Variants in XPNPEP1 observed in about 807,000 individuals in gnomAD.
XPNPEP1 encodes the protein xaa-Pro aminopeptidase 1.
Under a neutral mutation model 92.4 loss-of-function variants are expected in XPNPEP1, and 39 were observed. That is an observed-to-expected ratio of 0.42 (90% CI 0.33 to 0.55). The LOEUF (loss-of-function observed/expected upper bound fraction) is 0.55, where lower values mean the gene tolerates loss of function less well. Among genes scored for constraint, XPNPEP1 ranks in the 20% least tolerant of loss-of-function variants. XPNPEP1 has a pLI of 0.08. For missense variants in XPNPEP1, 654 were observed against 856.1 expected (o/e 0.76, Z 2.95); for synonymous variants, 307 against 299.4 (o/e 1.03, Z -0.26).
intron 9 of XPNPEP1, 107 bp downstream of exon 9, chr10:109,883,960 A>G: frequency 1.1e-6 from 1 of 916,682 alleles, no homozygotes. Flanking sequence ...AAAAAGAAGC[A>G]CATCAGTGAA....
At chr10:109,915,177 C>A in intron 1 of XPNPEP1, 78 bp from the exon 2 acceptor site, 1 of 771,582 alleles carries the variant, frequency 1.3e-6, no homozygotes. Context: ...GGAGGCATCG[C>A]TTAACTTAGC....
intron 2 of XPNPEP1, among the ~76,000 whole-genome samples, chr10:109,911,946 G>A (rs943403995): frequency 8.5e-5 from 13 of 152,100 alleles, no homozygotes; most frequent in Admixed American, 8.5e-4. Context: ...CATCAATAAC[G>A]TTAACACAAC....
At chr10:109,868,840 G>C in intron 19 of XPNPEP1, 128 bp from the exon 20 acceptor site, 9 of 798,976 alleles carry the variant, frequency 1.1e-5, no homozygotes, top group Non-Finnish European at 1.4e-5. Context: ...TGGTGAGCTG[G>C]TCACCACTTT....
At chr10:109,913,049 G>A (rs1253246559) in intron 2 of XPNPEP1, among the ~76,000 whole-genome samples, 1 of 152,212 alleles carries the variant, frequency 6.6e-6, no homozygotes, top group East Asian at 1.9e-4. Flanking sequence ...ATGCAGCAAA[G>A]TAGGAAGCCA....
At chr10:109,868,531 G>T in intron 20 of XPNPEP1, 83 bp downstream of exon 20, 1 of 1,179,042 alleles carries the variant, frequency 8.5e-7, no homozygotes, top group South Asian at 1.4e-5. Context: ...GAGAATTTAG[G>T]ATTTAGAGGA....
rs555601180 is a variant in XPNPEP1 at position 109,909,701 on chromosome 10, C to T, written c.122-1886G>A. 1.8e-4 allele frequency among the ~76,000 whole-genome samples: 28 copies of T among 152,306 alleles called. 1 individual carries two copies. The highest frequency in any genetic ancestry group is 3.4e-3 in the Middle Eastern group (1 of 294). The stretch of plus-strand genomic sequence containing the variant: ...AGCCAATTACAGAATAGTGATCATG[C>T]ATATTTCACTATATCCCATATACTG... On this transcript the variant is annotated intron_variant, in intron 2 of 20. Transcript: ENST00000502935.
Position 109,873,384 on chromosome 10 carries a change from G to T in XPNPEP1, c.1435C>A (p.Pro479Thr). The T allele has an allele frequency of 6.2e-7, 1 of 1,614,092 alleles. No homozygotes were observed. The highest frequency in any genetic ancestry group is 8.5e-7 in the Non-Finnish European group (1 of 1,180,010). The change falls in exon 16 of 21, where the codon CCT becomes ACT. Residue 479 changes from proline (P) to threonine (T), a missense_variant. Physicochemically the swap from Pro to Thr is conservative, Grantham distance 38. Transcript: ENST00000502935. ...DVTRTMHFGTPTAYEKECFTY... is the reference protein window; with the variant it reads ...DVTRTMHFGTTTAYEKECFTY... ...CACCTTACCTTCTCGTAGGCTGTAG[G>T]GGTCCCAAAATGCATTGTCCGCGTC...
chr10:109,913,309 C>T (rs768147235), intron 2 of XPNPEP1, among the ~76,000 whole-genome samples: 1 of 152,244 alleles, frequency 6.6e-6, no homozygotes, highest in Non-Finnish European at 1.5e-5. Context: ...AAGCACCATG[C>T]ACAGCATCTA....
chr10:109,922,671 T>C (rs1850607587), intron 1 of XPNPEP1, among the ~76,000 whole-genome samples: 1 of 152,236 alleles, frequency 6.6e-6, no homozygotes, highest in Admixed American at 6.5e-5. Flanking sequence ...GTCTGGCCTG[T>C]GGCCTCCATG....
At chr10:109,920,704 T>C (rs1266494326) in intron 1 of XPNPEP1, among the ~76,000 whole-genome samples, 1 of 146,432 alleles carries the variant, frequency 6.8e-6, no homozygotes, top group Admixed American at 6.8e-5. Context: ...ACCAACCTGA[T>C]TTTTTTTTTT....
At chr10:109,882,777 T>C (rs1848178669) in intron 9 of XPNPEP1, 135 bp from the exon 10 acceptor site, 3 of 926,458 alleles carry the variant, frequency 3.2e-6, no homozygotes, top group Admixed American at 2.4e-5. Context: ...TCCCCACTCC[T>C]TTCCCAAATC....
intron 3 of XPNPEP1, among the ~76,000 whole-genome samples, chr10:109,897,182 A>G (rs1336374211): frequency 6.6e-6 from 1 of 152,198 alleles, no homozygotes; most frequent in African/African-American, 2.4e-5. Flanking sequence ...ATATGGGTTC[A>G]TGAGAAATTA....
chr10:109,886,769 T>C (rs1214958282), intron 7 of XPNPEP1, among the ~76,000 whole-genome samples: 1 of 152,166 alleles, frequency 6.6e-6, no homozygotes, highest in Non-Finnish European at 1.5e-5. Flanking sequence ...CACAGGGACC[T>C]ATATCAACAC....
At chr10:109,887,936 A>C in intron 7 of XPNPEP1, 113 bp downstream of exon 7, 1 of 1,460,200 alleles carries the variant, frequency 6.8e-7, no homozygotes, top group South Asian at 1.5e-5. Flanking sequence ...GTAGGGCAAA[A>C]TCCTCCTGTC....
At chr10:109,915,587 A>G (rs1279330303) in intron 1 of XPNPEP1, among the ~76,000 whole-genome samples, 1 of 151,788 alleles carries the variant, frequency 6.6e-6, no homozygotes, top group Non-Finnish European at 1.5e-5. Flanking sequence ...TTGGTGGTTC[A>G]TTCCTTCTGC....
chr10:109,892,541 AC>A (rs2133449917), intron 4 of XPNPEP1: 1 of 162,312 alleles, frequency 6.2e-6, no homozygotes, highest in South Asian at 1.6e-4. Flanking sequence ...TTTGAGGAAC[AC>A]CAATGCAGCT....
rs781148788 is a variant in XPNPEP1, at chr10:109,877,899, T to C, written c.1242-32A>G. ...CAGAAAGACAGAAAGCAGAGTGGCT[T>C]AAAGGTTTTTACTGTGCTAAGATTC... On this transcript the variant is annotated intron_variant, in intron 13 of 20. Coordinates refer to ENST00000502935, the MANE Select transcript of XPNPEP1 (RefSeq NM_020383.4). The C allele has an allele frequency of 2.5e-6, 4 of 1,614,164 alleles. No homozygotes were observed. The Admixed American group carries it at 6.7e-5, about 27-fold the overall frequency.
intron 1 of XPNPEP1, among the ~76,000 whole-genome samples, chr10:109,920,125 G>T (rs141193046): frequency 0.017 from 2,537 of 152,000 alleles, 37 homozygotes; most frequent in South Asian, 0.098. Flanking sequence ...TAATACAAAA[G>T]ACCACATAGT....
intron 19 of XPNPEP1, among the ~76,000 whole-genome samples, chr10:109,869,313 G>A (rs1252065045): frequency 6.6e-6 from 1 of 152,214 alleles, no homozygotes; most frequent in Non-Finnish European, 1.5e-5. Context: ...CCCTCCAATT[G>A]TTCAATTCCA....
Sources: allele counts gnomAD v4.1 joint callset (sites outside exome capture counted in the v4.1 genomes callset), GRCh38; gene constraint gnomAD v4.1.1; transcripts MANE v1.5; gene names NCBI Gene and HGNC (gene_info 2026-07-23, HGNC 2026-07-21).